SLC5A4: variants seen among roughly 807,000 people sequenced by gnomAD.
SLC5A4 encodes the protein probable glucose sensor protein SLC5A4.
A neutral mutation model predicts 70.3 loss-of-function variants in SLC5A4; 55 were observed. The ratio of observed to expected loss-of-function variants is 0.78; its 90% CI spans 0.63 to 0.98. SLC5A4 has a LOEUF of 0.98. Ranked by LOEUF, SLC5A4 falls within the 50% of genes least tolerant of loss-of-function variation. The probability of loss-of-function intolerance (pLI) is 0.00; values close to 1 mark genes in which losing one functional copy is unlikely to be tolerated. For synonymous variants in SLC5A4, 268 were observed against 305.7 expected (o/e 0.88, Z 1.29); for missense variants, 735 against 839.2 (o/e 0.88, Z 1.53).
the SLC5A4 span, among the ~76,000 whole-genome samples, chr22:32,354,104 A>T: frequency 2.0e-5 from 3 of 146,398 alleles, no homozygotes; most frequent in Non-Finnish European, 4.5e-5. Flanking sequence ...GCTCCCTGGC[A>T]CGCAGTACAG....
upstream of SLC5A4, among the ~76,000 whole-genome samples, chr22:32,257,117 G>T (rs1267953172): frequency 6.6e-6 from 1 of 152,088 alleles, no homozygotes; most frequent in Non-Finnish European, 1.5e-5. Flanking sequence ...GTATCAAGTG[G>T]GTATCACAAT....
At position 32,221,009 on chromosome 22, in the gene SLC5A4, C is replaced by T. The variant is rs776159580; in HGVS notation, c.1679G>A (p.Cys560Tyr). The change falls in exon 14 of 15, where the codon TGC (cysteine) becomes TAC (tyrosine). Residue 560 changes from cysteine to tyrosine, a missense_variant. By Grantham distance (194) the Cys-to-Tyr change is radical. Coordinates refer to ENST00000266086, the MANE Select transcript of SLC5A4 (RefSeq NM_014227.3). The part of the protein sequence containing the change: ...PIPDVHLYRL[C>Y]WVLRNSTEER... ...CTCTGTACTGTTCCGAAGAACCCAG[C>T]ACAGGCGGTACAGCTGAACAGGGAC... 4.3e-6 allele frequency: 7 copies of T among 1,612,958 alleles called. No individual in the cohort carries two copies. The highest frequency in any genetic ancestry group is 1.3e-5 in the African/African-American group (1 of 74,880).
chr22:32,333,936 A>C, the SLC5A4 span, among the ~76,000 whole-genome samples: 1 of 149,552 alleles, frequency 6.7e-6, no homozygotes, highest in Admixed American at 6.7e-5. Context: ...ACACATAGAC[A>C]CACGTCACAC....
chr22:32,240,115 C>T (rs1368978176), intron 5 of SLC5A4, among the ~76,000 whole-genome samples: 1 of 150,298 alleles, frequency 6.7e-6, no homozygotes, highest in Non-Finnish European at 1.5e-5. Context: ...ATATGTGCTA[C>T]AGTGATGGAA....
At chr22:32,354,699 C>G in the SLC5A4 span, among the ~76,000 whole-genome samples, 1 of 152,184 alleles carries the variant, frequency 6.6e-6, no homozygotes, top group South Asian at 2.1e-4. Context: ...CCACTCCCCT[C>G]TGTGGGCAGT....
the SLC5A4 span, among the ~76,000 whole-genome samples, chr22:32,303,109 A>C: frequency 6.6e-6 from 1 of 152,180 alleles, no homozygotes; most frequent in Admixed American, 6.5e-5. Flanking sequence ...GACAGATCTC[A>C]ATCAATTTAG....
the SLC5A4 span, among the ~76,000 whole-genome samples, chr22:32,260,801 A>C: frequency 6.6e-6 from 1 of 152,106 alleles, no homozygotes; most frequent in Non-Finnish European, 1.5e-5. Flanking sequence ...GGCTGGGCAC[A>C]GTGGCTCATG....
At chr22:32,290,889 C>T in the SLC5A4 span, among the ~76,000 whole-genome samples, 3 of 152,130 alleles carry the variant, frequency 2.0e-5, no homozygotes, top group African/African-American at 7.2e-5. Flanking sequence ...CCTAAGGGCC[C>T]CAACTCTTAA....
chr22:32,320,777 G>A, the SLC5A4 span, among the ~76,000 whole-genome samples: 1 of 152,244 alleles, frequency 6.6e-6, no homozygotes, highest in African/African-American at 2.4e-5. Context: ...TCGTAAGACA[G>A]TGAGATGTCA....
chr22:32,270,493 G>T, the SLC5A4 span: 4 of 769,080 alleles, frequency 5.2e-6, no homozygotes, highest in South Asian at 6.1e-5. Context: ...CAGCACCCCC[G>T]AAGCGGACAA....
At chr22:32,243,858 G>C (rs1569377785) in intron 5 of SLC5A4, among the ~76,000 whole-genome samples, 1 of 152,126 alleles carries the variant, frequency 6.6e-6, no homozygotes, top group Non-Finnish European at 1.5e-5. Context: ...GCGTGTTGGT[G>C]CATGCCTGTA....
At chr22:32,283,214 C>A in the SLC5A4 span, among the ~76,000 whole-genome samples, 1 of 152,372 alleles carries the variant, frequency 6.6e-6, no homozygotes, top group East Asian at 1.9e-4. Flanking sequence ...TTCCTCCAAC[C>A]TGCCAGGCAC....
chr22:32,271,401 G>T, the SLC5A4 span: 1 of 767,374 alleles, frequency 1.3e-6, no homozygotes, highest in Non-Finnish European at 2.4e-6. Context: ...GCTGGTGCAT[G>T]TGGACCAAAA....
the SLC5A4 span, among the ~76,000 whole-genome samples, chr22:32,318,538 T>G: frequency 6.6e-6 from 1 of 152,100 alleles, no homozygotes; most frequent in Admixed American, 6.6e-5. Flanking sequence ...CCTCTCACAC[T>G]CCACATCCAA....
chr22:32,250,583 GAC>G (rs1450804076), intron 3 of SLC5A4, among the ~76,000 whole-genome samples: 1 of 152,096 alleles, frequency 6.6e-6, no homozygotes. Flanking sequence ...AATACCATTT[GAC>G]CCATCAATCC....
Position 32,224,338 on chromosome 22 carries a change from C to T in SLC5A4, c.1594G>A (p.Val532Ile), listed in dbSNP as rs752918102. The T allele has an allele frequency of 1.7e-5, 28 of 1,613,974 alleles. No individual in the cohort carries two copies. Among genetic ancestry groups the T allele is most frequent in the African/African-American group, 2.7e-5 (2 of 74,896 alleles). ...CGVHYLYFSI[V>I]LFFGSMLVTL... ...ACCAGCATGGACCCAAAAAAGAGAACGATGGAAAAGTACAGATAGTGCACT... is the reference window on the plus strand; with the variant it reads ...ACCAGCATGGACCCAAAAAAGAGAATGATGGAAAAGTACAGATAGTGCACT... The change falls in exon 13 of 15, where the codon GTT (valine) becomes ATT (isoleucine). Residue 532 changes from valine to isoleucine, a missense_variant. By Grantham distance (29) the Val-to-Ile change is conservative. Transcript: ENST00000266086.
chr22:32,229,655 G>A (rs938169164), intron 10 of SLC5A4, among the ~76,000 whole-genome samples: 1 of 152,152 alleles, frequency 6.6e-6, no homozygotes, highest in Non-Finnish European at 1.5e-5. Context: ...GAAGAGTAAT[G>A]GGGGACTAGG....
intron 5 of SLC5A4, among the ~76,000 whole-genome samples, chr22:32,241,000 G>A (rs1338847030): frequency 6.6e-6 from 1 of 152,242 alleles, no homozygotes; most frequent in Non-Finnish European, 1.5e-5. Context: ...GACAGAGCAA[G>A]TTTATGGCAA....
the SLC5A4 span, chr22:32,272,096 G>A: frequency 2.3e-5 from 15 of 655,408 alleles, no homozygotes; most frequent in African/African-American, 2.5e-4. Flanking sequence ...GGGAGCTTGT[G>A]ACCAGCACGA....
Sources: gnomAD v4.1 joint callset for allele counts (sites outside exome capture counted in the v4.1 genomes callset) on GRCh38, gnomAD v4.1.1 for gene constraint, MANE v1.5 for transcripts, NCBI Gene and HGNC (gene_info 2026-07-23, HGNC 2026-07-21) for gene names.